The following SCN10A variants were observed in gnomAD, a reference collection of about 807,000 sequenced individuals.
SCN10A encodes the protein sodium voltage-gated channel alpha subunit 10, also known as sodium channel protein type 10 subunit alpha.
SCN10A carries 162 observed loss-of-function variants against 170.7 expected under a neutral mutation model. The ratio of observed to expected loss-of-function variants is 0.95; its 90% CI spans 0.84 to 1.08. The LOEUF (loss-of-function observed/expected upper bound fraction) is 1.08. Ranked by LOEUF, SCN10A falls within the 50% of genes least tolerant of loss-of-function variation. The pLI, the probability that SCN10A is intolerant of heterozygous loss-of-function variation, is 0.00. For synonymous variants in SCN10A, 985 were observed against 904.6 expected (o/e 1.09, Z -1.59); for missense variants, 2,527 against 2,436.9 (o/e 1.04, Z -0.78).
At position 38,714,035 on chromosome 3, in the gene SCN10A, C is replaced by T. The variant is rs765684724; in HGVS notation, c.3727G>A (p.Val1243Met). Residue 1243 changes from valine to methionine, a missense_variant, in exon 22 of 28, where the codon GTG becomes ATG. Transcript: ENST00000449082. ...GTTCGAAGGGCTTTGATGGGAGCCA[C>T]TTCAGAATATTCCAGAATCTTCGCT... ...LTAKILEYSE[V>M]APIKALRTLR... is the part of the protein sequence containing the mutation. 60 of 1,614,096 alleles carry T rather than the reference C, an allele frequency of 3.7e-5. No homozygotes were observed. The highest frequency in any genetic ancestry group is 5.0e-5 in the Non-Finnish European group (59 of 1,180,054).
At chr3:38,759,617 C>A (rs2063846199) in intron 8 of SCN10A, among the ~76,000 whole-genome samples, 1 of 152,080 alleles carries the variant, frequency 6.6e-6, no homozygotes, top group African/African-American at 2.4e-5. Flanking sequence ...TGGATTTGGC[C>A]CACAGAAATA....
intron 12 of SCN10A, among the ~76,000 whole-genome samples, chr3:38,751,525 T>C (rs1028981317): frequency 6.6e-5 from 10 of 152,246 alleles, no homozygotes; most frequent in Admixed American, 2.0e-4. Context: ...TTTACAATTC[T>C]GTCTGCAATT....
At chr3:38,742,624 G>C in intron 13 of SCN10A, 95 bp from the exon 14 acceptor site, 2 of 880,664 alleles carry the variant, frequency 2.3e-6, no homozygotes, top group Non-Finnish European at 1.9e-6. Flanking sequence ...TTAATAATAA[G>C]TACCACCTCC....
intron 5 of SCN10A, among the ~76,000 whole-genome samples, chr3:38,766,246 C>T (rs1342908259): frequency 6.6e-6 from 1 of 152,036 alleles, no homozygotes; most frequent in Non-Finnish European, 1.5e-5. Context: ...TGTCTGATTG[C>T]TCTGGCTAGG....
intron 11 of SCN10A, among the ~76,000 whole-genome samples, chr3:38,753,640 C>T (rs2043928887): frequency 6.6e-6 from 1 of 152,106 alleles, no homozygotes. Context: ...TGCAAAAATC[C>T]TTCCAATTTT....
Position 38,697,107 on chromosome 3 carries a change from GA to G in SCN10A, c.*241del. ...TTTTCTGGAGAGTAAGAGAACCCAT[GA>G]TCTGATATTGAAATTCAGAAGGGAA... is the stretch of plus-strand genomic sequence containing the variant. On this transcript the variant is annotated 3_prime_UTR_variant, in exon 28 of 28. Transcript: ENST00000449082. 1.8e-6 allele frequency: 1 copy of G among 558,034 alleles called. No homozygotes were observed. Among genetic ancestry groups the G allele is most frequent in the Non-Finnish European group, 3.1e-6 (1 of 317,746 alleles). The allele number at this position is 558,034 out of a possible 1,614,324, so 34.6% of individuals were successfully genotyped here. A position where few individuals can be genotyped will look rare whatever the true frequency, so the allele number is the denominator to read the frequency against.
At position 38,755,917 on chromosome 3, in the gene SCN10A, G is replaced by A; in HGVS notation, c.1332C>T (p.Ser444=). 1.9e-6 allele frequency: 3 copies of A among 1,614,208 alleles called. No individual in the cohort carries two copies. Among genetic ancestry groups the A allele is most frequent in the Non-Finnish European group, 2.5e-6 (3 of 1,180,034 alleles). The change falls in exon 11 of 28, where the codon TCC becomes TCT. Residue 444 remains serine (S), a synonymous_variant. Transcript: ENST00000449082. ...TGGAGGTTAAAGGTGATCCATTGTG[G>A]GAGTGGAGAGAGGTTGTGTCAATCC... is the stretch of plus-strand genomic sequence containing the variant. The part of the protein sequence containing the change: ...ALGIDTTSLH[S]HNGSPLTSKN...
chr3:38,725,456 C>A, intron 17 of SCN10A, 142 bp from the exon 18 acceptor site: 1 of 611,728 alleles, frequency 1.6e-6, no homozygotes, highest in Middle Eastern at 2.8e-4. Flanking sequence ...TATACATACA[C>A]GTGTGTGAAG....
intron 20 of SCN10A, among the ~76,000 whole-genome samples, chr3:38,719,734 C>T (rs1410374293): frequency 6.6e-6 from 1 of 152,156 alleles, no homozygotes; most frequent in Non-Finnish European, 1.5e-5. Context: ...CTGGCCAGTC[C>T]TGTGTGAAGC....
intron 4 of SCN10A, among the ~76,000 whole-genome samples, chr3:38,773,607 C>T (rs1252349973): frequency 2.6e-5 from 4 of 151,714 alleles, no homozygotes; most frequent in Non-Finnish European, 5.9e-5. Flanking sequence ...ACTGAGCAAA[C>T]AAAAAAATAA....
At chr3:38,730,053 A>T (rs1402334249) in intron 15 of SCN10A, among the ~76,000 whole-genome samples, 3 of 152,234 alleles carry the variant, frequency 2.0e-5, no homozygotes, top group African/African-American at 7.2e-5. Flanking sequence ...AAACACAAAT[A>T]AAAACTGAGC....
intron 1 of SCN10A, among the ~76,000 whole-genome samples, chr3:38,813,462 T>C (rs901203779): frequency 5.9e-5 from 9 of 152,214 alleles, no homozygotes; most frequent in African/African-American, 1.9e-4. Flanking sequence ...GAATAGGAGA[T>C]AATAGACTAG....
intron 2 of SCN10A, among the ~76,000 whole-genome samples, chr3:38,793,365 CCTG>C (rs2064309110): frequency 1.3e-5 from 2 of 152,194 alleles, no homozygotes; most frequent in African/African-American, 4.8e-5. Context: ...TTAAATTCAT[CCTG>C]CTTTCTGTCC....
intron 14 of SCN10A, among the ~76,000 whole-genome samples, chr3:38,741,289 AACACACACACACAC>A (rs60874265): frequency 1.4e-5 from 2 of 146,662 alleles, no homozygotes; most frequent in Non-Finnish European, 3.0e-5. Context: ...CGTGTGTTTG[AACACACACACACAC>A]ACACACACAC....
At chr3:38,728,050 C>G (rs2063476065) in intron 16 of SCN10A, among the ~76,000 whole-genome samples, 1 of 152,180 alleles carries the variant, frequency 6.6e-6, no homozygotes, top group Admixed American at 6.5e-5. Flanking sequence ...GCTCTTACTT[C>G]CCTGAATAAA....
intron 4 of SCN10A, among the ~76,000 whole-genome samples, chr3:38,784,694 C>G (rs2064177670): frequency 6.6e-6 from 1 of 152,160 alleles, no homozygotes; most frequent in South Asian, 2.1e-4. Context: ...GTCAAATTGT[C>G]TCTGTTTGCA....
chr3:38,720,312 T>C (rs2125995665), intron 20 of SCN10A, among the ~76,000 whole-genome samples: 1 of 152,366 alleles, frequency 6.6e-6, no homozygotes, highest in Non-Finnish European at 1.5e-5. Context: ...TGAGACTATT[T>C]ACTGAGAAAA....
chr3:38,805,506 C>T (rs970753814), intron 1 of SCN10A, among the ~76,000 whole-genome samples: 6 of 152,150 alleles, frequency 3.9e-5, no homozygotes, highest in African/African-American at 1.4e-4. Flanking sequence ...AAGATGTAAG[C>T]ATTTCATACA....
Position 38,757,030 on chromosome 3 carries a change from G to T in SCN10A, c.1080C>A (p.Arg360=), listed in dbSNP as rs375904859. ...TGCAGCTCAGTACCTGCTGGTAGAG[G>T]CGTTCCCAGGAATCCTGTGTCATGA... is the stretch of plus-strand genomic sequence containing the variant. ...FRLMTQDSWE[R]LYQQTLRTSG... is the part of the protein sequence containing the mutation. Residue 360 remains arginine (R), a synonymous_variant, in exon 9 of 28, where the codon CGC becomes CGA. Coordinates refer to ENST00000449082, the MANE Select transcript of SCN10A (RefSeq NM_006514.4). 1 of 1,610,896 alleles carries T rather than the reference G, an allele frequency of 6.2e-7. No individual in the cohort carries two copies. Among genetic ancestry groups the T allele is most frequent in the Non-Finnish European group, 8.5e-7 (1 of 1,178,510 alleles).
Sources: gnomAD v4.1 joint callset for allele counts (sites outside exome capture counted in the v4.1 genomes callset) on GRCh38, gnomAD v4.1.1 for gene constraint, MANE v1.5 for transcripts, NCBI Gene and HGNC (gene_info 2026-07-23, HGNC 2026-07-21) for gene names.